The following PDIA6 variants were observed in gnomAD, a reference collection of about 807,000 sequenced individuals.
PDIA6 encodes the protein protein disulfide-isomerase A6.
In PDIA6, 29 loss-of-function variants were observed where a neutral mutation model predicts 58.4. The observed-to-expected ratio is 0.50, with a 90% CI of 0.37 to 0.68. The LOEUF (loss-of-function observed/expected upper bound fraction) is 0.68. Among genes scored for constraint, PDIA6 ranks in the 30% least tolerant of loss-of-function variants. The probability of loss-of-function intolerance (pLI) is 0.00; values close to 1 mark genes in which losing one functional copy is unlikely to be tolerated. For missense variants in PDIA6, 480 were observed against 551.0 expected (o/e 0.87, Z 1.29); for synonymous variants, 192 against 202.6 (o/e 0.95, Z 0.44).
At chr2:10,803,584 T>C (rs913310899) in intron 1 of PDIA6, among the ~76,000 whole-genome samples, 1 of 152,254 alleles carries the variant, frequency 6.6e-6, no homozygotes, top group Non-Finnish European at 1.5e-5. Context: ...GACCACACAG[T>C]TCTGCCACAT....
At chr2:10,820,571 A>T (rs981705841) in intron 1 of PDIA6, among the ~76,000 whole-genome samples, 6 of 152,150 alleles carry the variant, frequency 3.9e-5, no homozygotes, top group Non-Finnish European at 7.3e-5. Flanking sequence ...GTCTTTGTTT[A>T]TCTGTGTCTG....
chr2:10,806,474 A>T (rs917842612), intron 1 of PDIA6, among the ~76,000 whole-genome samples: 1 of 150,712 alleles, frequency 6.6e-6, no homozygotes, highest in Non-Finnish European at 1.5e-5. Context: ...AAAAAAATTA[A>T]GTTTAGAAAG....
At position 10,812,750 on chromosome 2, in the gene PDIA6, A is replaced by G. The variant is rs1667063229; in HGVS notation, c.-54T>C. 4.3e-6 allele frequency: 6 copies of G among 1,407,344 alleles called. No homozygotes were observed. Among genetic ancestry groups the G allele is most frequent in the Non-Finnish European group, 5.6e-6 (6 of 1,079,448 alleles). 87.2% of individuals were successfully genotyped at this position (1,407,344 alleles called of 1,614,324 possible). A position where few individuals can be genotyped will look rare whatever the true frequency, so the allele number is the denominator to read the frequency against. Reference sequence around the variant, plus strand: ...ACCGCCGCCGCCGCTTCAGCCCTGCAGCGTGCCGCACGCCGCGCCCCCGCG... The same window carrying G: ...ACCGCCGCCGCCGCTTCAGCCCTGCGGCGTGCCGCACGCCGCGCCCCCGCG... On this transcript the variant is annotated 5_prime_UTR_variant, in exon 1 of 13. Transcript: ENST00000272227.
chr2:10,790,125 C>T (rs568087151), intron 7 of PDIA6, among the ~76,000 whole-genome samples: 13 of 152,098 alleles, frequency 8.5e-5, no homozygotes, highest in South Asian at 2.1e-4. Flanking sequence ...ACTGCAGGCA[C>T]ACACCACCAC....
At chr2:10,785,092 T>C (rs934668496) in intron 11 of PDIA6, 62 bp from the exon 12 acceptor site, 24 of 1,116,678 alleles carry the variant, frequency 2.1e-5, no homozygotes, top group Non-Finnish European at 3.2e-5. Context: ...TGCAGAAGAA[T>C]AAACAACTTT....
chr2:10,824,193 G>A (rs1396235518), intron 1 of PDIA6, among the ~76,000 whole-genome samples: 2 of 151,058 alleles, frequency 1.3e-5, no homozygotes, highest in East Asian at 2.0e-4. Context: ...GCTTCAGGAG[G>A]AGACACTCAC....
chr2:10,833,263 G>A (rs1295425810), upstream of PDIA6, among the ~76,000 whole-genome samples: 1 of 152,148 alleles, frequency 6.6e-6, no homozygotes, highest in Admixed American at 6.5e-5. Context: ...GGCAGGCCCA[G>A]GATCTGGGGT....
chr2:10,789,406 T>TGAAAA (rs1665930887), intron 8 of PDIA6, among the ~76,000 whole-genome samples: 1 of 119,646 alleles, frequency 8.4e-6, no homozygotes, highest in Admixed American at 9.4e-5. Context: ...GAGAATTAAA[T>TGAAAA]GAAAACAAAA....
intron 1 of PDIA6, among the ~76,000 whole-genome samples, chr2:10,809,668 A>AAAAAAAAAAAAC (rs1558454605): frequency 7.7e-6 from 1 of 130,210 alleles, no homozygotes; most frequent in Non-Finnish European, 1.7e-5. Flanking sequence ...AAAAAAAAAA[A>AAAAAAAAAAAAC]AAAACCCAAA....
At chr2:10,789,466 G>A (rs751441310) in intron 8 of PDIA6, among the ~76,000 whole-genome samples, 1 of 152,140 alleles carries the variant, frequency 6.6e-6, no homozygotes, top group Non-Finnish European at 1.5e-5. Context: ...CCTGTTACAT[G>A]ATTAGTACTT....
In PDIA6 at chr2:10,787,444, A is replaced by G; in HGVS notation, c.999-5T>C. The stretch of plus-strand genomic sequence containing the variant: ...CCAGCTTCTGTCCACAGCCACCTAG[A>G]AAACCAGACTGGTTTTTAGGGCAAA... On this transcript the variant is annotated splice_polypyrimidine_tract_variant and splice_region_variant and intron_variant, in intron 10 of 12. Transcript: ENST00000272227. 1 of 1,606,594 alleles carries G rather than the reference A, an allele frequency of 6.2e-7. No homozygotes were observed. The highest frequency in any genetic ancestry group is 8.5e-7 in the Non-Finnish European group (1 of 1,176,240).
intron 4 of PDIA6, among the ~76,000 whole-genome samples, chr2:10,794,328 C>T (rs772554497): frequency 2.0e-5 from 3 of 151,874 alleles, no homozygotes; most frequent in Admixed American, 2.0e-4. Context: ...CATCTATAAT[C>T]CCAGCTACTC....
intron 1 of PDIA6, among the ~76,000 whole-genome samples, chr2:10,806,938 G>C (rs1210407111): frequency 1.3e-5 from 2 of 152,104 alleles, no homozygotes; most frequent in Non-Finnish European, 2.9e-5. Flanking sequence ...TGCCATCTAG[G>C]TTTGTATTAA....
At chr2:10,810,206 C>G (rs1666944665) in intron 1 of PDIA6, 1 of 1,075,644 alleles carries the variant, frequency 9.3e-7, no homozygotes, top group African/African-American at 1.6e-5. Flanking sequence ...CATTATTTCA[C>G]AGACCAGGAA....
upstream of PDIA6, chr2:10,812,930 G>C (rs954014583): frequency 1.1e-6 from 1 of 916,566 alleles, no homozygotes. Flanking sequence ...AGAGGTTACC[G>C]GTTTGGTTTT....
At chr2:10,796,295 C>T (rs372059525) in intron 4 of PDIA6, among the ~76,000 whole-genome samples, 4 of 152,012 alleles carry the variant, frequency 2.6e-5, no homozygotes, top group Non-Finnish European at 2.9e-5. Context: ...CCTCGTGATC[C>T]GCCCGTCTTG....
chr2:10,821,075 A>C, intron 1 of PDIA6: 1 of 511,528 alleles, frequency 2.0e-6, no homozygotes, highest in Non-Finnish European at 3.5e-6. Context: ...GTTTTAAAAC[A>C]GCCTTCGGAG....
intron 8 of PDIA6, among the ~76,000 whole-genome samples, chr2:10,789,476 T>C (rs1686513): frequency 0.57 from 86,715 of 152,008 alleles, 24,862 homozygotes; most frequent in Middle Eastern, 0.6. Context: ...GATTAGTACT[T>C]GATAAATGTT....
At chr2:10,823,253 T>C (rs1389109942) in intron 1 of PDIA6, 3 of 152,240 alleles carry the variant, frequency 2.0e-5, no homozygotes, top group Non-Finnish European at 4.4e-5. Context: ...CTCTTCTCCA[T>C]CCACACTGGC....
Sources: gnomAD v4.1 joint callset for allele counts (sites outside exome capture counted in the v4.1 genomes callset) on GRCh38, gnomAD v4.1.1 for gene constraint, MANE v1.5 for transcripts, NCBI Gene and HGNC (gene_info 2026-07-23, HGNC 2026-07-21) for gene names.